The following NEO1 variants were observed in gnomAD, a reference collection of about 807,000 sequenced individuals.
NEO1 encodes the protein neogenin 1, also known as neogenin.
A neutral mutation model predicts 159.7 loss-of-function variants in NEO1; 63 were observed. The observed-to-expected ratio is 0.39, with a 90% CI of 0.32 to 0.49. The LOEUF (loss-of-function observed/expected upper bound fraction) is 0.49, where lower values mean the gene tolerates loss of function less well. Among genes scored for constraint, NEO1 ranks in the 20% least tolerant of loss-of-function variants. The probability of loss-of-function intolerance (pLI) is 0.85; values close to 1 mark genes in which losing one functional copy is unlikely to be tolerated. For synonymous variants in NEO1, 633 were observed against 662.0 expected (o/e 0.96, Z 0.67); for missense variants, 1,615 against 1,831.0 (o/e 0.88, Z 2.15).
At chr15:73,167,053 C>CTCA (rs2034616814) in intron 5 of NEO1, among the ~76,000 whole-genome samples, 1 of 146,886 alleles carries the variant, frequency 6.8e-6, no homozygotes, top group African/African-American at 2.5e-5. Context: ...CATGTTCTCA[C>CTCA]TCATAGGTGG....
chr15:73,080,429 A>T (rs2068982331), intron 1 of NEO1, among the ~76,000 whole-genome samples: 2 of 152,150 alleles, frequency 1.3e-5, no homozygotes, highest in Non-Finnish European at 2.9e-5. Flanking sequence ...TCACTTGCAT[A>T]GACCTCTTCT....
At chr15:73,146,765 A>G (rs555139515) in intron 5 of NEO1, among the ~76,000 whole-genome samples, 2 of 152,252 alleles carry the variant, frequency 1.3e-5, no homozygotes, top group African/African-American at 4.8e-5. Flanking sequence ...ACTCAGATTT[A>G]TGTGGAGTAC....
chr15:73,257,241 A>G (rs966940355), intron 13 of NEO1, among the ~76,000 whole-genome samples: 2 of 148,964 alleles, frequency 1.3e-5, no homozygotes, highest in African/African-American at 5.0e-5. Context: ...TTTATTATAT[A>G]CTAGGCATCA....
chr15:73,272,962 A>T (rs1295986979), intron 19 of NEO1, among the ~76,000 whole-genome samples: 1 of 124,254 alleles, frequency 8.0e-6, no homozygotes, highest in Non-Finnish European at 1.8e-5. Context: ...TTGTACCCTG[A>T]AGCCACAAAA....
At chr15:73,176,945 G>C (rs2035310929) in intron 6 of NEO1, among the ~76,000 whole-genome samples, 2 of 152,142 alleles carry the variant, frequency 1.3e-5, no homozygotes, top group African/African-American at 2.4e-5. Context: ...ACTTCTCCTT[G>C]AAGTGTGGAA....
intron 7 of NEO1, among the ~76,000 whole-genome samples, chr15:73,194,733 C>T (rs2036439528): frequency 6.6e-6 from 1 of 152,112 alleles, no homozygotes; most frequent in Non-Finnish European, 1.5e-5. Flanking sequence ...ATACATGGTA[C>T]ATATTTATTA....
chr15:73,052,649 C>T lies in NEO1; in HGVS notation c.-27C>T. The T allele has an allele frequency of 8.0e-7, 1 of 1,255,760 alleles. No homozygotes were observed. Among genetic ancestry groups the T allele is most frequent in the Non-Finnish European group, 1.0e-6 (1 of 995,216 alleles). 77.8% of individuals were successfully genotyped at this position (1,255,760 alleles called of 1,614,324 possible). The stretch of plus-strand genomic sequence containing the variant: ...CAAGGGCTCCGCGGCGCTGTCGCCG[C>T]CGCTGCCGCTCACTCTCGGGGAAGA... On this transcript the variant is annotated 5_prime_UTR_variant, in exon 1 of 29. Coordinates refer to ENST00000261908, the MANE Select transcript of NEO1 (RefSeq NM_002499.4).
chr15:73,165,269 G>T (rs1050952912), intron 5 of NEO1, among the ~76,000 whole-genome samples: 3 of 152,142 alleles, frequency 2.0e-5, no homozygotes. Flanking sequence ...TCTAAGGAGG[G>T]TACTGGTGTT....
chr15:73,214,832 G>T (rs2150713924), intron 7 of NEO1, among the ~76,000 whole-genome samples: 1 of 152,186 alleles, frequency 6.6e-6, no homozygotes, highest in Admixed American at 6.5e-5. Context: ...GTGGCATTTT[G>T]AATGGGGATT....
intron 7 of NEO1, among the ~76,000 whole-genome samples, chr15:73,190,160 TA>T (rs1216330637): frequency 1.2e-4 from 19 of 152,096 alleles, no homozygotes; most frequent in Admixed American, 4.6e-4. Context: ...CAATTAAGAG[TA>T]GTAGGAATTA....
intron 5 of NEO1, among the ~76,000 whole-genome samples, chr15:73,147,877 G>A (rs972169833): frequency 9.3e-5 from 14 of 150,594 alleles, no homozygotes; most frequent in Admixed American, 9.3e-4. Context: ...GCAGTTGCGC[G>A]ATCTCGGCTC....
chr15:73,256,418 T>G (rs893345895), intron 13 of NEO1, among the ~76,000 whole-genome samples: 12 of 152,168 alleles, frequency 7.9e-5, no homozygotes, highest in Non-Finnish European at 1.5e-4. Flanking sequence ...GAGAATCTCT[T>G]GAACCGGGGA....
chr15:73,288,595 A>T, intron 24 of NEO1, 44 bp downstream of exon 24: 2 of 1,510,702 alleles, frequency 1.3e-6, no homozygotes, highest in Non-Finnish European at 1.8e-6. Flanking sequence ...TTAGGAAACT[A>T]TTTTCATTTA....
intron 7 of NEO1, among the ~76,000 whole-genome samples, chr15:73,186,490 A>G (rs1348064615): frequency 6.6e-6 from 1 of 152,196 alleles, no homozygotes; most frequent in Non-Finnish European, 1.5e-5. Flanking sequence ...AAAGTGGGCT[A>G]GAGTGTTTTT....
intron 1 of NEO1, among the ~76,000 whole-genome samples, chr15:73,080,472 G>A (rs538311169): frequency 6.6e-6 from 1 of 151,902 alleles, no homozygotes; most frequent in South Asian, 2.1e-4. Flanking sequence ...AGTGTAGTGT[G>A]TTTGTTAGTT....
At chr15:73,138,480 G>T (rs2032005712) in intron 5 of NEO1, among the ~76,000 whole-genome samples, 1 of 150,986 alleles carries the variant, frequency 6.6e-6, no homozygotes, top group African/African-American at 2.4e-5. Context: ...GAGTTGGCCG[G>T]GCGCGGTGGC....
intron 1 of NEO1, among the ~76,000 whole-genome samples, chr15:73,098,339 A>C (rs1321936561): frequency 6.6e-6 from 1 of 152,142 alleles, no homozygotes; most frequent in Non-Finnish European, 1.5e-5. Flanking sequence ...TTTGTTTTTT[A>C]ATTATGTAAA....
chr15:73,067,100 C>T (rs2068260593), intron 1 of NEO1, among the ~76,000 whole-genome samples: 1 of 152,184 alleles, frequency 6.6e-6, no homozygotes, highest in African/African-American at 2.4e-5. Flanking sequence ...TCTGGTTTTT[C>T]ATCACATGTA....
At chr15:73,296,434 C>T (rs1257989240) in intron 26 of NEO1, among the ~76,000 whole-genome samples, 6 of 152,112 alleles carry the variant, frequency 3.9e-5, no homozygotes, top group African/African-American at 1.4e-4. Flanking sequence ...GAGGAGTGAC[C>T]TAAGCCTGGT....
Sources: allele counts gnomAD v4.1 joint callset (sites outside exome capture counted in the v4.1 genomes callset), GRCh38; gene constraint gnomAD v4.1.1; transcripts MANE v1.5; gene names NCBI Gene and HGNC (gene_info 2026-07-23, HGNC 2026-07-21).